LATS2: variants seen among roughly 807,000 people sequenced by gnomAD.
LATS2 encodes serine/threonine-protein kinase LATS2.
Under a neutral mutation model 76.0 loss-of-function variants are expected in LATS2, and 24 were observed. The ratio of observed to expected loss-of-function variants is 0.32; its 90% CI spans 0.23 to 0.44. The LOEUF is 0.44. LATS2 is among the 20% of genes least tolerant of loss of function. LATS2 has a pLI of 1.00. For synonymous variants in LATS2, 692 were observed against 635.4 expected (o/e 1.09, Z -1.34); for missense variants, 1,286 against 1,481.2 (o/e 0.87, Z 2.16).
intron 2 of LATS2, among the ~76,000 whole-genome samples, 187 bp downstream of exon 2, chr13:21,045,498 A>G (rs1873037649): frequency 6.6e-6 from 1 of 152,242 alleles, no homozygotes. Flanking sequence ...ACCATTTTAG[A>G]GAGAAGGTAG....
chr13:21,003,215 T>C (rs967999555), intron 2 of LATS2, among the ~76,000 whole-genome samples: 3 of 152,082 alleles, frequency 2.0e-5, no homozygotes, highest in African/African-American at 7.2e-5. Context: ...GATCAGTGAA[T>C]TTTGAGAACC....
chr13:21,033,398 G>T (rs1045646467), intron 2 of LATS2, among the ~76,000 whole-genome samples: 2 of 152,020 alleles, frequency 1.3e-5, no homozygotes, highest in African/African-American at 4.8e-5. Flanking sequence ...TTTCTACTGT[G>T]ACCTCAGACA....
At chr13:20,989,511 A>T (rs1379359857) in intron 3 of LATS2, among the ~76,000 whole-genome samples, 1 of 152,148 alleles carries the variant, frequency 6.6e-6, no homozygotes, top group Non-Finnish European at 1.5e-5. Context: ...GTGTTAGCAG[A>T]GTGGAGACAA....
In LATS2 at chr13:20,989,173, C is replaced by A. The variant is rs746989618; in HGVS notation, c.607G>T (p.Ala203Ser). The change falls in exon 4 of 8, where the codon GCG (alanine) becomes TCG (serine). Residue 203 changes from alanine (A) to serine (S), a missense_variant. Coordinates refer to ENST00000382592, the MANE Select transcript of LATS2 (RefSeq NM_014572.3). ...GPSFGADGPT[A>S]LEEMPRPYVD... Reference sequence around the variant, plus strand: ...TACGGCCGCGGCATCTCCTCCAGCGCCGTGGGGCCGTCAGCGCCGAAGCTT... The same window carrying A: ...TACGGCCGCGGCATCTCCTCCAGCGACGTGGGGCCGTCAGCGCCGAAGCTT... 6.2e-7 allele frequency: 1 copy of A among 1,613,190 alleles called. No individual in the cohort carries two copies. Among genetic ancestry groups the A allele is most frequent in the East Asian group, 2.2e-5 (1 of 44,872 alleles).
At position 20,997,346 on chromosome 13, in the gene LATS2, C is replaced by T. The variant is rs181711234; in HGVS notation, c.343-5942G>A. On this transcript the variant is annotated intron_variant, in intron 2 of 7. Coordinates refer to ENST00000382592, the MANE Select transcript of LATS2 (RefSeq NM_014572.3). ...CGCTTAAAACTGGACCTAACCACTA[C>T]GAAGCCTGGAAAATGTGAGATTTGC... 1.9e-3 allele frequency among the ~76,000 whole-genome samples: 296 copies of T among 152,330 alleles called. 1 individual carries two copies. The highest frequency in any genetic ancestry group is 7.7e-4 in the East Asian group (4 of 5,182).
intron 2 of LATS2, among the ~76,000 whole-genome samples, chr13:21,021,969 T>C (rs868447254): frequency 1.1e-4 from 16 of 152,218 alleles, no homozygotes; most frequent in African/African-American, 3.9e-4. Context: ...TTCCACACTT[T>C]CTTCGTTAGA....
Position 20,974,913 on chromosome 13 carries a change from T to A in LATS2, c.3224A>T (p.Asp1075Val), listed in dbSNP as rs746235580. The A allele has an allele frequency of 6.2e-7, 1 of 1,614,164 alleles. No homozygotes were observed. Among genetic ancestry groups the A allele is most frequent in the Non-Finnish European group, 8.5e-7 (1 of 1,180,032 alleles). Residue 1075 changes from aspartate (D) to valine (V), a missense_variant, in exon 8 of 8, where the codon GAT becomes GTT. Transcript: ENST00000382592. ...GCAGCCTTCAGTCTGATCCACCAGA[T>A]CAGAGCTTTCTAAATCTGAGCTCTC... ...QAESSDLESS[D>V]LVDQTEGCQP...
intron 2 of LATS2, among the ~76,000 whole-genome samples, chr13:21,030,612 GAAAAAAA>G (rs373077961): frequency 3.8e-4 from 47 of 124,066 alleles, no homozygotes; most frequent in Middle Eastern, 4.8e-3. Context: ...AAAAAAAAAA[GAAAAAAA>G]AAAAGAAAAA....
chr13:21,010,315 C>A (rs1319347229), intron 2 of LATS2, among the ~76,000 whole-genome samples: 1 of 152,112 alleles, frequency 6.6e-6, no homozygotes, highest in Admixed American at 6.5e-5. Context: ...CTGCCAACCC[C>A]CACACACCCT....
At chr13:20,977,451 G>A (rs752584377) in intron 7 of LATS2, among the ~76,000 whole-genome samples, 4 of 151,722 alleles carry the variant, frequency 2.6e-5, no homozygotes, top group African/African-American at 7.3e-5. Flanking sequence ...GAAGAGAGGC[G>A]AGCAGGTGCT....
chr13:20,973,124 C>A lies in LATS2; in HGVS notation c.*1746G>T, dbSNP rs896604671. The A allele has an allele frequency of 4.3e-6, 1 of 231,604 alleles. No homozygotes were observed. The highest frequency in any genetic ancestry group is 5.6e-5 in the Admixed American group (1 of 17,716). The allele number at this position is 231,604 out of a possible 1,614,324, so 14.3% of individuals were successfully genotyped here. A position where few individuals can be genotyped will look rare whatever the true frequency, so the allele number is the denominator to read the frequency against. On this transcript the variant is annotated 3_prime_UTR_variant, in exon 8 of 8. Transcript: ENST00000382592. The stretch of plus-strand genomic sequence containing the variant: ...CAATAAATAATAGTTAAACTGAGTT[C>A]CTGAGAAAGAACCTACCACATGAAA...
intron 2 of LATS2, among the ~76,000 whole-genome samples, chr13:21,017,184 G>A (rs1182998919): frequency 6.6e-6 from 1 of 152,166 alleles, no homozygotes; most frequent in East Asian, 1.9e-4. Context: ...TAAAACGGAC[G>A]ATAGCCATTA....
chr13:21,055,127 G>A (rs1162113694), intron 1 of LATS2, among the ~76,000 whole-genome samples: 1 of 152,170 alleles, frequency 6.6e-6, no homozygotes, highest in African/African-American at 2.4e-5. Flanking sequence ...GAAGACAGTT[G>A]ATTTCATGGC....
At chr13:21,011,857 G>A (rs892931500) in intron 2 of LATS2, among the ~76,000 whole-genome samples, 10 of 152,188 alleles carry the variant, frequency 6.6e-5, no homozygotes, top group Non-Finnish European at 1.5e-4. Flanking sequence ...TACACACCTA[G>A]GCTAGATGGT....
chr13:21,057,240 A>G (rs1317579487), intron 1 of LATS2, among the ~76,000 whole-genome samples: 2 of 152,258 alleles, frequency 1.3e-5, no homozygotes, highest in Non-Finnish European at 2.9e-5. Flanking sequence ...TTAACAAGAA[A>G]TACAAACCAT....
intron 5 of LATS2, among the ~76,000 whole-genome samples, chr13:20,982,646 C>T (rs1869943497): frequency 6.6e-6 from 1 of 152,038 alleles, no homozygotes; most frequent in African/African-American, 2.4e-5. Context: ...TTTAATGAGG[C>T]AGGTGATGGT....
chr13:20,974,687 T>C lies in LATS2; in HGVS notation c.*183A>G. The C allele has an allele frequency of 3.2e-6, 2 of 618,016 alleles. No individual in the cohort carries two copies. The highest frequency in any genetic ancestry group is 4.3e-5 in the South Asian group (2 of 46,206). 38.3% of individuals were successfully genotyped at this position (618,016 alleles called of 1,614,324 possible). ...CTGAAAAGCCTATTGAAAGCGATGC[T>C]GAGTCCTGTTTTCAAAAGTGTCCTG... On this transcript the variant is annotated 3_prime_UTR_variant, in exon 8 of 8. Coordinates refer to ENST00000382592, the MANE Select transcript of LATS2 (RefSeq NM_014572.3).
chr13:21,003,811 C>A (rs889348277), intron 2 of LATS2, among the ~76,000 whole-genome samples: 1 of 152,072 alleles, frequency 6.6e-6, no homozygotes, highest in African/African-American at 2.4e-5. Context: ...TGGGCTCAAG[C>A]ACTCTGTGCA....
chr13:21,007,722 AG>A (rs1302595764), intron 2 of LATS2, among the ~76,000 whole-genome samples: 1 of 5,202 alleles, frequency 1.9e-4, no homozygotes, highest in African/African-American at 7.6e-4. Flanking sequence ...ATATATATAT[AG>A]TATATATATA....
Sources: gnomAD v4.1 joint callset for allele counts (sites outside exome capture counted in the v4.1 genomes callset) on GRCh38, gnomAD v4.1.1 for gene constraint, MANE v1.5 for transcripts, NCBI Gene and HGNC (gene_info 2026-07-23, HGNC 2026-07-21) for gene names.